Variants in ADAMTS17 observed in about 807,000 individuals in gnomAD.
ADAMTS17 encodes the protein ADAM metallopeptidase with thrombospondin type 1 motif 17.
A neutral mutation model predicts 141.5 loss-of-function variants in ADAMTS17; 113 were observed. The ratio of observed to expected loss-of-function variants is 0.80; its 90% CI spans 0.69 to 0.93. The LOEUF is 0.93. Among genes scored for constraint, ADAMTS17 ranks in the 40% least tolerant of loss-of-function variants. The probability of loss-of-function intolerance (pLI) is 0.00; values close to 1 mark genes in which losing one functional copy is unlikely to be tolerated. For synonymous variants in ADAMTS17, 768 were observed against 630.6 expected (o/e 1.22, Z -3.27); for missense variants, 1,659 against 1,517.9 (o/e 1.09, Z -1.54).
At chr15:100,199,989 G>A (rs969514446) in intron 7 of ADAMTS17, among the ~76,000 whole-genome samples, 3 of 152,236 alleles carry the variant, frequency 2.0e-5, no homozygotes, top group African/African-American at 4.8e-5. Flanking sequence ...CGCCCCGGAA[G>A]GCTGCACAGA....
chr15:100,297,677 G>A (rs759899848), intron 3 of ADAMTS17, among the ~76,000 whole-genome samples: 4 of 152,166 alleles, frequency 2.6e-5, no homozygotes, highest in Non-Finnish European at 4.4e-5. Context: ...AGTTTCAGGT[G>A]CTTTAGAAGC....
intron 15 of ADAMTS17, among the ~76,000 whole-genome samples, 192 bp from the exon 16 acceptor site, chr15:100,054,246 G>A (rs1051493271): frequency 5.3e-5 from 8 of 152,180 alleles, no homozygotes; most frequent in African/African-American, 1.7e-4. Flanking sequence ...CAGGGAGCAC[G>A]GAGATGCAGA....
chr15:100,189,455 G>A (rs776453815), intron 8 of ADAMTS17, among the ~76,000 whole-genome samples: 1 of 152,196 alleles, frequency 6.6e-6, no homozygotes, highest in Non-Finnish European at 1.5e-5. Flanking sequence ...CACAGAGCAT[G>A]TGCCACAAAG....
At chr15:100,200,694 T>C (rs1280437698) in intron 7 of ADAMTS17, among the ~76,000 whole-genome samples, 1 of 152,180 alleles carries the variant, frequency 6.6e-6, no homozygotes, top group African/African-American at 2.4e-5. Context: ...TCTGCTGGCA[T>C]AGCGCCATGG....
At chr15:100,205,256 A>G (rs2041491701) in intron 7 of ADAMTS17, among the ~76,000 whole-genome samples, 1 of 152,078 alleles carries the variant, frequency 6.6e-6, no homozygotes, top group South Asian at 2.1e-4. Context: ...ACAAGATAAC[A>G]TTTTCATGTG....
intron 7 of ADAMTS17, among the ~76,000 whole-genome samples, chr15:100,245,850 G>C (rs2042970373): frequency 6.6e-6 from 1 of 152,184 alleles, no homozygotes; most frequent in African/African-American, 2.4e-5. Flanking sequence ...ACTTCCATGG[G>C]TGTGCATGCA....
chr15:100,002,262 A>G lies in ADAMTS17; in HGVS notation c.2592-4673T>C, dbSNP rs186762086. On this transcript the variant is annotated intron_variant, in intron 18 of 21. Transcript: ENST00000268070. ...TTTAGGGTGAGACCTGTTTGGCGCTATTGTGCTGACCCCAGCTGTGAAAAC... is the reference window on the plus strand; with the variant it reads ...TTTAGGGTGAGACCTGTTTGGCGCTGTTGTGCTGACCCCAGCTGTGAAAAC... Among the ~76,000 whole-genome samples the G allele has an allele frequency of 2.1e-3, 318 of 151,974 alleles. 4 individuals carry two copies. The highest frequency in any genetic ancestry group is 7.2e-3 in the African/African-American group (297 of 41,358).
At chr15:100,146,633 T>G (rs181663395) in intron 10 of ADAMTS17, among the ~76,000 whole-genome samples, 142 of 105,740 alleles carry the variant, frequency 1.3e-3, no homozygotes, top group Admixed American at 2.7e-3. Context: ...ATAAGAGAGA[T>G]AACCTTAAAC....
At chr15:100,080,696 TA>T (rs1333570891) in intron 15 of ADAMTS17, among the ~76,000 whole-genome samples, 2 of 152,232 alleles carry the variant, frequency 1.3e-5, no homozygotes, top group Non-Finnish European at 2.9e-5. Flanking sequence ...CTTTTTTTGC[TA>T]AAAACATGTT....
chr15:100,303,917 T>C (rs1596482069), intron 3 of ADAMTS17, among the ~76,000 whole-genome samples: 1 of 152,148 alleles, frequency 6.6e-6, no homozygotes, highest in South Asian at 2.1e-4. Flanking sequence ...AGAGACGGCG[T>C]TTCGCCACGT....
chr15:100,058,665 G>A (rs941835012), intron 15 of ADAMTS17, among the ~76,000 whole-genome samples: 4 of 152,176 alleles, frequency 2.6e-5, no homozygotes, highest in Non-Finnish European at 5.9e-5. Flanking sequence ...GACACTGGGC[G>A]GCAGCAGCAG....
intron 8 of ADAMTS17, among the ~76,000 whole-genome samples, chr15:100,172,502 G>A (rs1266948456): frequency 6.6e-6 from 1 of 152,012 alleles, no homozygotes; most frequent in Non-Finnish European, 1.5e-5. Flanking sequence ...ACTCATCCTG[G>A]TCACCTGCTC....
intron 8 of ADAMTS17, among the ~76,000 whole-genome samples, chr15:100,158,843 C>G (rs1014488266): frequency 6.6e-6 from 1 of 152,114 alleles, no homozygotes; most frequent in African/African-American, 2.4e-5. Context: ...AGAAGACATA[C>G]AAATGGCCAG....
At chr15:100,338,709 C>A (rs2046278213) in intron 2 of ADAMTS17, among the ~76,000 whole-genome samples, 1 of 152,140 alleles carries the variant, frequency 6.6e-6, no homozygotes, top group Admixed American at 6.5e-5. Flanking sequence ...CTACTTATAG[C>A]CTCCCTTCCC....
chr15:100,217,884 T>C (rs1478159766), intron 7 of ADAMTS17, among the ~76,000 whole-genome samples: 1 of 152,170 alleles, frequency 6.6e-6, no homozygotes, highest in East Asian at 1.9e-4. Context: ...AAAAAAGGAA[T>C]GACTGAATGA....
intron 20 of ADAMTS17, among the ~76,000 whole-genome samples, chr15:99,977,801 C>T (rs9920473): frequency 0.021 from 3,255 of 152,126 alleles, 124 homozygotes; most frequent in African/African-American, 0.073. Flanking sequence ...TTGAGCTTTT[C>T]GGCCCCTGCT....
intron 7 of ADAMTS17, among the ~76,000 whole-genome samples, chr15:100,212,241 G>T (rs150265675): frequency 1.9e-3 from 289 of 152,264 alleles, no homozygotes; most frequent in African/African-American, 6.7e-3. Flanking sequence ...CAGCCAGTCT[G>T]GCTGCAGATC....
chr15:99,975,462 G>A (rs966381486), intron 21 of ADAMTS17, among the ~76,000 whole-genome samples: 11 of 152,192 alleles, frequency 7.2e-5, no homozygotes, highest in Non-Finnish European at 1.2e-4. Flanking sequence ...CACCCATCTC[G>A]GCCTCCCAAA....
At chr15:100,341,501 C>T in intron 1 of ADAMTS17, 92 bp from the exon 2 acceptor site, 1 of 990,170 alleles carries the variant, frequency 1.0e-6, no homozygotes, top group Non-Finnish European at 1.2e-6. Context: ...GCGGGGACAG[C>T]GCGACCCGGA....
Sources: allele counts gnomAD v4.1 joint callset (sites outside exome capture counted in the v4.1 genomes callset), GRCh38; gene constraint gnomAD v4.1.1; transcripts MANE v1.5; gene names NCBI Gene and HGNC (gene_info 2026-07-23, HGNC 2026-07-21).